The following DYNC2I2 variants were observed in gnomAD, a reference collection of about 807,000 sequenced individuals.
The protein encoded by DYNC2I2 is cytoplasmic dynein 2 intermediate chain 2.
Under a neutral mutation model 52.0 loss-of-function variants are expected in DYNC2I2, and 39 were observed. The observed-to-expected ratio is 0.75, with a 90% CI of 0.58 to 0.98. The LOEUF is 0.98. Ranked by LOEUF, DYNC2I2 falls within the 50% of genes least tolerant of loss-of-function variation. The pLI is 0.00. For synonymous variants in DYNC2I2, 359 were observed against 321.1 expected (o/e 1.12, Z -1.26); for missense variants, 743 against 728.4 (o/e 1.02, Z -0.23).
rs755620356 is a variant in DYNC2I2 at position 128,637,046 on chromosome 9, C to T, written c.436-19G>A. 1.1e-4 allele frequency: 178 copies of T among 1,598,760 alleles called. No individual in the cohort carries two copies. Among genetic ancestry groups the T allele is most frequent in the Non-Finnish European group, 1.4e-4 (165 of 1,168,690 alleles). On this transcript the variant is annotated intron_variant, in intron 2 of 8. Coordinates refer to ENST00000372715, the MANE Select transcript of DYNC2I2 (RefSeq NM_052844.4). ...AAGACACCTGCGGAGACGTCCCCAA[C>T]CCTGAGTCCAAAGCCACCAGCAGGG...
chr9:128,668,148 A>C, the DYNC2I2 span, among the ~76,000 whole-genome samples: 1 of 151,864 alleles, frequency 6.6e-6, no homozygotes, highest in African/African-American at 2.4e-5. Flanking sequence ...TTTAATAGAG[A>C]CGGGGTTTCA....
chr9:128,669,396 AAAATT>A, the DYNC2I2 span, among the ~76,000 whole-genome samples: 23 of 151,386 alleles, frequency 1.5e-4, no homozygotes, highest in African/African-American at 5.6e-4. Context: ...AAAAATTTTT[AAAATT>A]AAAATTAAAA....
chr9:128,640,025 T>TTTTTTTTGG (rs1589431430), intron 2 of DYNC2I2, among the ~76,000 whole-genome samples: 1 of 148,622 alleles, frequency 6.7e-6, no homozygotes, highest in African/African-American at 2.5e-5. Flanking sequence ...TTTTTTTTTT[T>TTTTTTTTGG]GAGACAGAGT....
intron 1 of DYNC2I2, among the ~76,000 whole-genome samples, chr9:128,642,293 A>AC (rs1860528623): frequency 6.7e-6 from 1 of 149,602 alleles, no homozygotes; most frequent in Non-Finnish European, 1.5e-5. Flanking sequence ...TCTCAAAAAA[A>AC]AAAAAAAAAA....
chr9:128,669,163 A>G, the DYNC2I2 span, among the ~76,000 whole-genome samples: 1 of 152,050 alleles, frequency 6.6e-6, no homozygotes, highest in Non-Finnish European at 1.5e-5. Context: ...CAGGAGATCA[A>G]GACCATCCTG....
chr9:128,644,435 G>A (rs1860575116), intron 1 of DYNC2I2, among the ~76,000 whole-genome samples: 1 of 151,892 alleles, frequency 6.6e-6, no homozygotes, highest in Non-Finnish European at 1.5e-5. Context: ...ACCACACCTG[G>A]CTGATTTTTT....
chr9:128,663,952 C>CTTTTT, the DYNC2I2 span, among the ~76,000 whole-genome samples: 9 of 102,018 alleles, frequency 8.8e-5, no homozygotes, highest in East Asian at 5.2e-4. Context: ...TGCACCCAGG[C>CTTTTT]TTTTTTTTTT....
intron 1 of DYNC2I2, among the ~76,000 whole-genome samples, chr9:128,646,592 G>A (rs979836869): frequency 6.6e-6 from 1 of 152,198 alleles, no homozygotes; most frequent in East Asian, 1.9e-4. Flanking sequence ...TCAAAGCTTC[G>A]AGAGACAGGC....
chr9:128,656,775 C>G lies in DYNC2I2; in HGVS notation c.-49G>C, dbSNP rs1224169171. 7.6e-7 allele frequency: 1 copy of G among 1,313,356 alleles called. No homozygotes were observed. Among genetic ancestry groups the G allele is most frequent in the Admixed American group, 4.1e-5 (1 of 24,172 alleles). The allele number at this position is 1,313,356 out of a possible 1,614,324, so 81.4% of individuals were successfully genotyped here. On this transcript the variant is annotated 5_prime_UTR_variant, in exon 1 of 9. Coordinates refer to ENST00000372715, the MANE Select transcript of DYNC2I2 (RefSeq NM_052844.4). ...CGGACGCACTCAGGCGCGACCTCCG[C>G]CCCTACGCCGCCATGAGCGGAAAAC...
At chr9:128,670,896 C>T in the DYNC2I2 span, among the ~76,000 whole-genome samples, 20 of 151,510 alleles carry the variant, frequency 1.3e-4, no homozygotes, top group Non-Finnish European at 2.5e-4. Context: ...GGTGAAACCC[C>T]GTCTCTACTA....
the DYNC2I2 span, among the ~76,000 whole-genome samples, chr9:128,668,379 C>CG: frequency 7.1e-6 from 1 of 140,754 alleles, no homozygotes; most frequent in East Asian, 2.2e-4. Flanking sequence ...TTAGTAGAGA[C>CG]GGGTTTCACA....
chr9:128,663,642 T>A, the DYNC2I2 span: 1 of 129,252 alleles, frequency 7.7e-6, no homozygotes, highest in Non-Finnish European at 1.6e-5. Context: ...TCTATTATAG[T>A]TTTTTTCTTT....
chr9:128,646,300 C>G (rs1233726110), intron 1 of DYNC2I2, among the ~76,000 whole-genome samples: 1 of 152,192 alleles, frequency 6.6e-6, no homozygotes, highest in Admixed American at 6.5e-5. Context: ...CCTGTGCCTC[C>G]TGGGTTCTAG....
the DYNC2I2 span, among the ~76,000 whole-genome samples, chr9:128,666,348 C>T: frequency 6.8e-6 from 1 of 147,188 alleles, no homozygotes; most frequent in African/African-American, 2.5e-5. Flanking sequence ...TGCCACTGCT[C>T]TCCAGCCTTG....
the DYNC2I2 span, among the ~76,000 whole-genome samples, chr9:128,680,667 G>T: frequency 1.4e-5 from 2 of 146,582 alleles, no homozygotes; most frequent in Non-Finnish European, 3.0e-5. Flanking sequence ...GTGAGCCACC[G>T]TGCCCAGCCT....
At chr9:128,671,087 A>G in the DYNC2I2 span, among the ~76,000 whole-genome samples, 2 of 148,680 alleles carry the variant, frequency 1.3e-5, no homozygotes, top group African/African-American at 2.5e-5. Flanking sequence ...AAAAAAAAAG[A>G]AACACCCAAG....
chr9:128,654,158 C>G (rs934978181), intron 1 of DYNC2I2, among the ~76,000 whole-genome samples: 1 of 152,156 alleles, frequency 6.6e-6, no homozygotes, highest in African/African-American at 2.4e-5. Flanking sequence ...CCCTGAGAAC[C>G]GTTCCCATAC....
chr9:128,678,699 T>G, the DYNC2I2 span, among the ~76,000 whole-genome samples: 1 of 151,694 alleles, frequency 6.6e-6, no homozygotes, highest in African/African-American at 2.4e-5. Flanking sequence ...TGATCTCAAG[T>G]GATCCACCTG....
At chr9:128,637,093 A>C in intron 2 of DYNC2I2, 66 bp from the exon 3 acceptor site, 1 of 1,203,578 alleles carries the variant, frequency 8.3e-7, no homozygotes, top group Non-Finnish European at 1.2e-6. Context: ...GCCTAACCAA[A>C]CCCCACCTAG....
Sources: allele counts gnomAD v4.1 joint callset (sites outside exome capture counted in the v4.1 genomes callset), GRCh38; gene constraint gnomAD v4.1.1; transcripts MANE v1.5; gene names NCBI Gene and HGNC (gene_info 2026-07-23, HGNC 2026-07-21).